Variants in PINX1 observed in about 807,000 individuals in gnomAD.
PINX1 encodes the protein PIN2 (TERF1) interacting telomerase inhibitor 1.
PINX1 carries 34 observed loss-of-function variants against 25.4 expected under a neutral mutation model. The observed-to-expected ratio is 1.34, with a 90% confidence interval of 1.02 to 1.78. The LOEUF (loss-of-function observed/expected upper bound fraction) is 1.78. Among genes scored for constraint, PINX1 ranks in the 40% most tolerant of loss-of-function variants. PINX1 has a pLI of 0.00. For synonymous variants in PINX1, 197 were observed against 147.7 expected, an observed-to-expected ratio of 1.33 and a Z score of -2.42; for missense variants, 592 against 404.9, an observed-to-expected ratio of 1.46 and a Z score of -3.97.
At chr8:10,822,018 A>G (rs1399899372) in intron 5 of PINX1, 3 of 152,230 alleles carry the variant, frequency 2.0e-5, no homozygotes, top group East Asian at 1.9e-4. Flanking sequence ...AAATGTGTCT[A>G]AAGTTTTGAT....
At chr8:10,824,509 C>G (rs954853718) in intron 5 of PINX1, among the ~76,000 whole-genome samples, 2 of 152,144 alleles carry the variant, frequency 1.3e-5, no homozygotes, top group African/African-American at 4.8e-5. Context: ...CTAATAGATA[C>G]AGAACCCTCG....
At chr8:10,830,367 T>C (rs1270779386) in intron 4 of PINX1, among the ~76,000 whole-genome samples, 1 of 152,250 alleles carries the variant, frequency 6.6e-6, no homozygotes, top group African/African-American at 2.4e-5. Flanking sequence ...TATGGTTAGA[T>C]GTGTGCTGTG....
chr8:10,767,131 G>A (rs1227448553), intron 6 of PINX1, among the ~76,000 whole-genome samples: 1 of 152,148 alleles, frequency 6.6e-6, no homozygotes, highest in East Asian at 1.9e-4. Flanking sequence ...ATGGGAGGGT[G>A]GGAAACGGCT....
intron 6 of PINX1, among the ~76,000 whole-genome samples, chr8:10,800,151 C>G (rs923811045): frequency 2.0e-5 from 3 of 152,196 alleles, no homozygotes; most frequent in African/African-American, 7.2e-5. Flanking sequence ...TCCACTGTCA[C>G]TTCCACAAAG....
At chr8:10,825,818 T>C (rs186687415) in intron 5 of PINX1, among the ~76,000 whole-genome samples, 1 of 152,244 alleles carries the variant, frequency 6.6e-6, no homozygotes, top group Non-Finnish European at 1.5e-5. Context: ...GCTAAAAATG[T>C]TGGGCAAGAA....
At chr8:10,781,400 A>C (rs1801580799) in intron 6 of PINX1, among the ~76,000 whole-genome samples, 2 of 152,202 alleles carry the variant, frequency 1.3e-5, no homozygotes, top group African/African-American at 4.8e-5. Context: ...AATCAACACA[A>C]TGAAAAGGCA....
At chr8:10,821,343 C>G (rs1237269432) in intron 5 of PINX1, among the ~76,000 whole-genome samples, 1 of 152,230 alleles carries the variant, frequency 6.6e-6, no homozygotes, top group African/African-American at 2.4e-5. Context: ...AAACACTCTT[C>G]AATTTAATGC....
chr8:10,778,127 T>C (rs1422224408), intron 6 of PINX1, among the ~76,000 whole-genome samples: 1 of 151,944 alleles, frequency 6.6e-6, no homozygotes, highest in Non-Finnish European at 1.5e-5. Flanking sequence ...GGGGGCTGGG[T>C]TAGGGAGGGG....
Position 10,826,209 on chromosome 8 carries a change from G to C in PINX1, c.337C>G (p.Leu113Val). ...TTGGAGATTTTGGACTTTTCCTCAA[G>C]GCTAAAAGATTTCTTTTCCTTCTTG... ...SDKKEKKSFSLEEKSKISKNR... is the reference protein window; with the variant it reads ...SDKKEKKSFSVEEKSKISKNR... The change falls in exon 5 of 7, where the codon CTT (leucine) becomes GTT (valine). Residue 113 changes from leucine (L) to valine (V), a missense_variant. Transcript: ENST00000314787. 1 of 1,594,586 alleles carries C rather than the reference G, an allele frequency of 6.3e-7. No homozygotes were observed. The highest frequency in any genetic ancestry group is 8.6e-7 in the Non-Finnish European group (1 of 1,165,992).
intron 4 of PINX1, among the ~76,000 whole-genome samples, chr8:10,830,367 T>A (rs1270779386): frequency 6.6e-6 from 1 of 152,250 alleles, no homozygotes; most frequent in South Asian, 2.1e-4. Flanking sequence ...TATGGTTAGA[T>A]GTGTGCTGTG....
chr8:10,809,227 G>A (rs1379734667), intron 6 of PINX1, among the ~76,000 whole-genome samples: 1 of 152,198 alleles, frequency 6.6e-6, no homozygotes, highest in Non-Finnish European at 1.5e-5. Context: ...TTCCCCTTCA[G>A]TCCTTAACAA....
At chr8:10,773,396 G>C (rs1801291351) in intron 6 of PINX1, among the ~76,000 whole-genome samples, 1 of 152,166 alleles carries the variant, frequency 6.6e-6, no homozygotes, top group African/African-American at 2.4e-5. Flanking sequence ...AGCCAGTAAA[G>C]AAAAAATTTG....
At chr8:10,786,575 A>G (rs769740589) in intron 6 of PINX1, among the ~76,000 whole-genome samples, 1 of 152,144 alleles carries the variant, frequency 6.6e-6, no homozygotes, top group Non-Finnish European at 1.5e-5. Flanking sequence ...TACGCCCCAG[A>G]AGGGCTCACC....
At chr8:10,830,949 T>C (rs1348750246) in intron 4 of PINX1, among the ~76,000 whole-genome samples, 1 of 152,176 alleles carries the variant, frequency 6.6e-6, no homozygotes, top group Non-Finnish European at 1.5e-5. Context: ...CTCCCAGGCA[T>C]TACCCAAAGG....
At chr8:10,786,753 C>G (rs937509897) in intron 6 of PINX1, among the ~76,000 whole-genome samples, 5 of 152,106 alleles carry the variant, frequency 3.3e-5, no homozygotes, top group Admixed American at 2.6e-4. Flanking sequence ...CCCTCTTGCT[C>G]CCCCAGAAAG....
At chr8:10,786,883 C>A (rs534831477) in intron 6 of PINX1, among the ~76,000 whole-genome samples, 1 of 152,294 alleles carries the variant, frequency 6.6e-6, no homozygotes, top group East Asian at 1.9e-4. Context: ...AGATTGCACC[C>A]CACTGTGGAC....
In PINX1 at chr8:10,765,372, G is replaced by A; in HGVS notation, c.*29C>T. ...GCCCCCGCAGTGCCCTGACAGCTGAGTGGTCGGAAGGCCCCGGCTGGGAAG... is the reference window on the plus strand; with the variant it reads ...GCCCCCGCAGTGCCCTGACAGCTGAATGGTCGGAAGGCCCCGGCTGGGAAG... On this transcript the variant is annotated 3_prime_UTR_variant, in exon 7 of 7. Transcript: ENST00000314787. 6.4e-7 allele frequency: 1 copy of A among 1,551,342 alleles called. No individual in the cohort carries two copies. Among genetic ancestry groups the A allele is most frequent in the Non-Finnish European group, 8.7e-7 (1 of 1,154,490 alleles).
At chr8:10,829,300 A>T (rs1215318085) in intron 4 of PINX1, among the ~76,000 whole-genome samples, 2 of 151,826 alleles carry the variant, frequency 1.3e-5, no homozygotes, top group African/African-American at 4.8e-5. Context: ...AAAAAAAAAA[A>T]AAAAAGAGAG....
intron 6 of PINX1, among the ~76,000 whole-genome samples, chr8:10,774,391 C>A (rs1239457273): frequency 2.6e-5 from 4 of 151,900 alleles, no homozygotes; most frequent in Non-Finnish European, 5.9e-5. Context: ...AAGTGATTCT[C>A]CTGCCTCAGC....
Sources: gnomAD v4.1 joint callset for allele counts (sites outside exome capture counted in the v4.1 genomes callset) on GRCh38, gnomAD v4.1.1 for gene constraint, MANE v1.5 for transcripts, NCBI Gene and HGNC (gene_info 2026-07-23, HGNC 2026-07-21) for gene names.